Variants in ITIH2 observed in about 807,000 individuals in gnomAD.
ITIH2 encodes inter-alpha-trypsin inhibitor heavy chain 2, also known as inter-alpha-trypsin inhibitor heavy chain H2.
ITIH2 carries 103 observed loss-of-function variants against 104.4 expected under a neutral mutation model. The ratio of observed to expected loss-of-function variants is 0.99; its 90% CI spans 0.84 to 1.16. The LOEUF (loss-of-function observed/expected upper bound fraction) is 1.16. ITIH2 is among the 50% of genes most tolerant of loss of function. The pLI, the probability that ITIH2 is intolerant of heterozygous loss-of-function variation, is 0.00. For missense variants in ITIH2, 1,108 were observed against 1,162.4 expected, an observed-to-expected ratio of 0.95 and a Z score of 0.68; for synonymous variants, 436 against 435.4, an observed-to-expected ratio of 1.00 and a Z score of -0.02.
intron 11 of ITIH2, 24 bp from the exon 12 acceptor site, chr10:7,729,928 C>A: frequency 6.4e-7 from 1 of 1,552,808 alleles, no homozygotes; most frequent in South Asian, 1.2e-5. Flanking sequence ...TCATTCCTTT[C>A]CTTTCGGACA....
At chr10:7,721,106 A>G (rs999200391) in intron 7 of ITIH2, 143 bp downstream of exon 7, 38 of 617,850 alleles carry the variant, frequency 6.2e-5, no homozygotes, top group Non-Finnish European at 9.7e-5. Flanking sequence ...AGTAGAGCCT[A>G]GGGCCTCCCC....
rs1250302659 is a variant in ITIH2 at position 7,737,655 on chromosome 10, ATATTC to A, written c.1958-962_1958-958del. ...TATATTCTATAGAATATTCTATATT[ATATTC>A]TATATTATATTCTATATTTTCTATA... On this transcript the variant is annotated intron_variant, in intron 15 of 20. Transcript: ENST00000358415. Among the ~76,000 whole-genome samples, 120 of 75,430 alleles carry A rather than the reference ATATTC, an allele frequency of 1.6e-3. 3 individuals are homozygous for A. Among genetic ancestry groups the A allele is most frequent in the African/African-American group, 6.0e-3 (96 of 15,902 alleles). The allele number at this position is 75,430 out of a possible 152,430, so 49.5% of individuals were successfully genotyped here.
intron 15 of ITIH2, among the ~76,000 whole-genome samples, chr10:7,737,406 C>CATATATATATATATATATATAT (rs375717121): frequency 1.6e-5 from 2 of 121,698 alleles, no homozygotes; most frequent in Non-Finnish European, 3.3e-5. Context: ...GTATATATCT[C>CATATATATATATATATATATAT]ATATATATAT....
In ITIH2 at chr10:7,735,031, G is replaced by T; in HGVS notation, c.1897G>T (p.Glu633Ter). The change falls in exon 15 of 21, where the codon GAG becomes TAG. Residue 633 changes from glutamate (E) to a stop codon, truncating the protein, a stop_gained. Coordinates refer to ENST00000358415, the MANE Select transcript of ITIH2 (RefSeq NM_002216.3). LOFTEE classifies it high-confidence loss of function. ...GCTGACCTCGCTGGTGATCGAGAAC[G>T]AGGCTGGGGATGAGCGCATGCTGGC... ...TPLTSLVIEN[E>*]AGDERMLADA... The T allele has an allele frequency of 6.2e-7, 1 of 1,613,466 alleles. No individual in the cohort carries two copies. The highest frequency in any genetic ancestry group is 1.1e-5 in the South Asian group (1 of 91,084).
chr10:7,741,965 T>A (rs1228891476), intron 16 of ITIH2, among the ~76,000 whole-genome samples: 1 of 152,212 alleles, frequency 6.6e-6, no homozygotes, highest in East Asian at 1.9e-4. Context: ...AGAAGCCACC[T>A]CCTCCATTCA....
chr10:7,729,281 C>A lies in ITIH2; in HGVS notation c.1280-671C>A, dbSNP rs186586000. On this transcript the variant is annotated intron_variant, in intron 11 of 20. Coordinates refer to ENST00000358415, the MANE Select transcript of ITIH2 (RefSeq NM_002216.3). ...TGAGCTGAGATCGTGCCACTGCACT[C>A]CAGCCTGGGCAACAAAGTGAGACTC... Among the ~76,000 whole-genome samples, 50 of 152,072 alleles carry A rather than the reference C, an allele frequency of 3.3e-4. 3 individuals are homozygous for A. The highest frequency in any genetic ancestry group is 2.5e-3 in the East Asian group (13 of 5,180).
chr10:7,709,149 A>G lies in ITIH2; in HGVS notation c.320A>G (p.Asp107Gly). The G allele has an allele frequency of 1.2e-6, 2 of 1,614,180 alleles. No individual in the cohort carries two copies. Among genetic ancestry groups the G allele is most frequent in the Non-Finnish European group, 1.7e-6 (2 of 1,180,030 alleles). Residue 107 changes from aspartate (D) to glycine (G), a missense_variant, in exon 4 of 21, where the codon GAT becomes GGT. Coordinates refer to ENST00000358415, the MANE Select transcript of ITIH2 (RefSeq NM_002216.3). ...NSPQPQNVVF[D>G]VQIPKGAFIS... The stretch of plus-strand genomic sequence containing the variant: ...CCGCAGCCTCAGAATGTCGTGTTTG[A>G]TGTTCAGATCCCCAAAGGAGCATTC...
intron 6 of ITIH2, among the ~76,000 whole-genome samples, chr10:7,720,526 G>C (rs1021190857): frequency 6.6e-6 from 1 of 152,082 alleles, no homozygotes; most frequent in Non-Finnish European, 1.5e-5. Flanking sequence ...TTAACAATGA[G>C]GGAAAAAGAA....
intron 12 of ITIH2, 87 bp downstream of exon 12, chr10:7,730,220 C>A: frequency 9.9e-7 from 1 of 1,008,322 alleles, no homozygotes; most frequent in Non-Finnish European, 1.5e-6. Flanking sequence ...CATAACTGAA[C>A]TTAACTCAAA....
intron 2 of ITIH2, among the ~76,000 whole-genome samples, chr10:7,706,041 C>T (rs141120863): frequency 9.1e-4 from 139 of 152,286 alleles, no homozygotes; most frequent in Non-Finnish European, 1.2e-3. Flanking sequence ...GAGGTATTTA[C>T]GGAAGCAGCA....
At chr10:7,717,425 G>A (rs917529495) in intron 5 of ITIH2, among the ~76,000 whole-genome samples, 5 of 152,210 alleles carry the variant, frequency 3.3e-5, no homozygotes, top group Non-Finnish European at 7.3e-5. Context: ...TGGAGATCGG[G>A]TAGGAGAGGA....
Position 7,704,872 on chromosome 10 carries a change from G to A in ITIH2, c.85-236G>A, listed in dbSNP as rs944765822. Among the ~76,000 whole-genome samples the A allele has an allele frequency of 6.6e-5, 10 of 151,308 alleles. 1 individual carries two copies. The highest frequency in any genetic ancestry group is 4.2e-4 in the South Asian group (2 of 4,800). ...CACTCATAAGTGGGAGTCGAACAAC[G>A]AGAACACATGGACACAGGAAGGGGA... On this transcript the variant is annotated intron_variant, in intron 1 of 20. Transcript: ENST00000358415.
chr10:7,744,180 G>C lies in ITIH2; in HGVS notation c.2308G>C (p.Asp770His). The C allele has an allele frequency of 4.3e-6, 7 of 1,613,986 alleles. No individual in the cohort carries two copies. Among genetic ancestry groups the C allele is most frequent in the Non-Finnish European group, 5.9e-6 (7 of 1,179,938 alleles). Residue 770 changes from aspartate (D) to histidine (H), a missense_variant, in exon 18 of 21, where the codon GAC becomes CAC. Coordinates refer to ENST00000358415, the MANE Select transcript of ITIH2 (RefSeq NM_002216.3). ...GKLGFYFQSE[D>H]IKIEISTETI... ...ACTGGGATTTTATTTCCAAAGTGAA[G>C]ACATAAAAATAGAAATCAGCACTGA...
chr10:7,709,493 G>A (rs1271552258), intron 4 of ITIH2, among the ~76,000 whole-genome samples: 1 of 151,998 alleles, frequency 6.6e-6, no homozygotes, highest in Non-Finnish European at 1.5e-5. Context: ...GGGTTGCCCT[G>A]GCTTATAGGA....
chr10:7,738,776 C>G lies in ITIH2; in HGVS notation c.2095+18C>G, dbSNP rs1217077863. The G allele has an allele frequency of 2.5e-6, 4 of 1,569,646 alleles. No homozygotes were observed. In the African/African-American group the frequency reaches 5.5e-5, roughly 22 times the overall value. The stretch of plus-strand genomic sequence containing the variant: ...GATGAGAGGTAACGCTTCTACACTG[C>G]TTGCACGTCCCAGAACTCAGCCGAC... On this transcript the variant is annotated intron_variant, in intron 16 of 20. Transcript: ENST00000358415.
At position 7,721,790 on chromosome 10, in the gene ITIH2, C is replaced by T. The variant is rs752126341; in HGVS notation, c.867+13C>T. On this transcript the variant is annotated intron_variant, in intron 8 of 20. Transcript: ENST00000358415. ...TGGTGAACTGGAGGTGAGTGCACAC[C>T]GGCTCTGGTTCTACTGCCAAGCTCG... 9.9e-6 allele frequency: 16 copies of T among 1,613,026 alleles called. No homozygotes were observed. Among genetic ancestry groups the T allele is most frequent in the African/African-American group, 8.0e-5 (6 of 74,898 alleles).
intron 16 of ITIH2, among the ~76,000 whole-genome samples, chr10:7,739,385 G>A (rs939012361): frequency 6.6e-6 from 1 of 152,112 alleles, no homozygotes; most frequent in African/African-American, 2.4e-5. Context: ...TCTCCCTGAA[G>A]GAAGGTGCAA....
At chr10:7,712,391 T>C (rs1221960824) in intron 4 of ITIH2, among the ~76,000 whole-genome samples, 1 of 152,144 alleles carries the variant, frequency 6.6e-6, no homozygotes, top group Non-Finnish European at 1.5e-5. Context: ...TCCTAGGAAG[T>C]AAGGTTCAAC....
At chr10:7,746,060 C>A (rs71481740) in intron 19 of ITIH2, among the ~76,000 whole-genome samples, 2 of 86,056 alleles carry the variant, frequency 2.3e-5, no homozygotes, top group Non-Finnish European at 2.1e-5. Flanking sequence ...GGCCCCAAAT[C>A]TTAAATTTAA....
Sources: allele counts gnomAD v4.1 joint callset (sites outside exome capture counted in the v4.1 genomes callset), GRCh38; gene constraint gnomAD v4.1.1; transcripts MANE v1.5; gene names NCBI Gene and HGNC (gene_info 2026-07-23, HGNC 2026-07-21).